The following CCDC15 variants were observed in gnomAD, a reference collection of about 807,000 sequenced individuals.
The protein encoded by CCDC15 is coiled-coil domain containing 15.
A neutral mutation model predicts 114.5 loss-of-function variants in CCDC15; 105 were observed. The ratio of observed to expected loss-of-function variants is 0.92; its 90% CI spans 0.78 to 1.08. The LOEUF (loss-of-function observed/expected upper bound fraction) is 1.08, where lower values mean the gene tolerates loss of function less well. CCDC15 is among the 50% of genes least tolerant of loss of function. The probability of loss-of-function intolerance (pLI) is 0.00; values close to 1 mark genes in which losing one functional copy is unlikely to be tolerated. For synonymous variants in CCDC15, 334 were observed against 377.8 expected (o/e 0.88, Z 1.34); for missense variants, 1,105 against 1,093.6 (o/e 1.01, Z -0.15).
rs770604444 is a variant in CCDC15 at position 125,038,907 on chromosome 11, C to T, written c.2586-14C>T. On this transcript the variant is annotated splice_polypyrimidine_tract_variant and intron_variant, in intron 14 of 15. Coordinates refer to ENST00000344762, the MANE Select transcript of CCDC15 (RefSeq NM_025004.3). ...TAATAGTTCACTTTGCCTGATTATA[C>T]TTTATTTGTACAGATATGTAGAAGC... 1.2e-6 allele frequency: 2 copies of T among 1,601,660 alleles called. No homozygotes were observed. The highest frequency in any genetic ancestry group is 4.5e-5 in the East Asian group (2 of 44,710).
intron 13 of CCDC15, among the ~76,000 whole-genome samples, chr11:125,015,391 T>C (rs571883178): frequency 1.3e-5 from 2 of 152,176 alleles, no homozygotes; most frequent in Admixed American, 6.5e-5. Flanking sequence ...ATATTAGGAA[T>C]GGAAAGGGAA....
At chr11:124,962,423 A>C (rs1337894749) in intron 4 of CCDC15, among the ~76,000 whole-genome samples, 1 of 152,200 alleles carries the variant, frequency 6.6e-6, no homozygotes, top group African/African-American at 2.4e-5. Flanking sequence ...TAAATAATAA[A>C]AGAATGAGGT....
rs941104828 is a variant in CCDC15, at chr11:124,988,001, A to T, written c.1775A>T (p.Tyr592Phe). 1 of 1,613,432 alleles carries T rather than the reference A, an allele frequency of 6.2e-7. No homozygotes were observed. Among genetic ancestry groups the T allele is most frequent in the South Asian group, 1.1e-5 (1 of 91,032 alleles). ...GATTTTCTACCCAGAGACCAAGGTTATCTTCCTAAAGACCAAAATATTCTA... is the reference window on the plus strand; with the variant it reads ...GATTTTCTACCCAGAGACCAAGGTTTTCTTCCTAAAGACCAAAATATTCTA... ...DQDFLPRDQGYLPKDQNILPI... is the reference protein window; with the variant it reads ...DQDFLPRDQGFLPKDQNILPI... Residue 592 changes from tyrosine (Y) to phenylalanine (F), a missense_variant, in exon 8 of 16, where the codon TAT (tyrosine) becomes TTT (phenylalanine). By Grantham distance (22) the Tyr-to-Phe change is conservative. Coordinates refer to ENST00000344762, the MANE Select transcript of CCDC15 (RefSeq NM_025004.3).
chr11:124,986,126 T>C (rs1024962164), intron 6 of CCDC15, among the ~76,000 whole-genome samples: 2 of 152,196 alleles, frequency 1.3e-5, no homozygotes, highest in African/African-American at 2.4e-5. Context: ...TCTTTCCTCA[T>C]TGAATTTTCT....
At chr11:124,986,926 G>T in intron 7 of CCDC15, 38 bp downstream of exon 7, 1 of 1,507,544 alleles carries the variant, frequency 6.6e-7, no homozygotes. Context: ...TTGTGATTTG[G>T]ACTAGGTATT....
intron 13 of CCDC15, among the ~76,000 whole-genome samples, chr11:125,034,054 T>C (rs534484613): frequency 6.6e-6 from 1 of 152,282 alleles, no homozygotes; most frequent in Non-Finnish European, 1.5e-5. Context: ...TGGGGATAGC[T>C]CCTGAGGAGA....
At chr11:125,022,549 C>G (rs1190495624) in intron 13 of CCDC15, among the ~76,000 whole-genome samples, 3 of 151,916 alleles carry the variant, frequency 2.0e-5, no homozygotes, top group Non-Finnish European at 4.4e-5. Context: ...CTTGGTTTCA[C>G]AAATACCATC....
At chr11:124,994,518 G>A (rs1487673595) in intron 11 of CCDC15, among the ~76,000 whole-genome samples, 1 of 152,112 alleles carries the variant, frequency 6.6e-6, no homozygotes, top group Non-Finnish European at 1.5e-5. Context: ...TTTATAAAAG[G>A]TATATTTCTG....
intron 11 of CCDC15, among the ~76,000 whole-genome samples, chr11:125,000,038 T>C (rs1431195080): frequency 4.0e-5 from 6 of 151,816 alleles, no homozygotes; most frequent in African/African-American, 4.8e-5. Flanking sequence ...ATTTTTTTTA[T>C]TTTTAGTGGA....
At chr11:124,986,691 T>TGTGTGGGTGTGTG in intron 6 of CCDC15, 51 bp from the exon 7 acceptor site, 1 of 1,221,884 alleles carries the variant, frequency 8.2e-7, no homozygotes, top group Non-Finnish European at 1.1e-6. Flanking sequence ...GTGTGTGTGT[T>TGTGTGGGTGTGTG]TGTGTGTGTG....
Position 124,987,447 on chromosome 11 carries a change from G to C in CCDC15, c.1221G>C (p.Leu407Phe), listed in dbSNP as rs1033648056. Residue 407 changes from leucine to phenylalanine, a missense_variant, in exon 8 of 16, where the codon TTG (leucine) becomes TTC (phenylalanine). Transcript: ENST00000344762. ...AGCTAGAAGAAGGGAGTATTGTGTT[G>C]AAAACCCAGGATTTTCTACCCACAA... is the stretch of plus-strand genomic sequence containing the variant. ...SIELEEGSIV[L>F]KTQDFLPTNQ... 3.1e-6 allele frequency: 5 copies of C among 1,613,902 alleles called. No homozygotes were observed. The Admixed American group carries it at 6.7e-5, about 22-fold the overall frequency.
intron 8 of CCDC15, among the ~76,000 whole-genome samples, chr11:124,988,440 G>A (rs565027315): frequency 2.0e-5 from 3 of 152,202 alleles, no homozygotes; most frequent in South Asian, 2.1e-4. Flanking sequence ...CTGAGTCTTC[G>A]GCAAGCCATA....
chr11:125,035,791 C>A (rs1486286400), intron 13 of CCDC15, among the ~76,000 whole-genome samples: 1 of 152,000 alleles, frequency 6.6e-6, no homozygotes, highest in Non-Finnish European at 1.5e-5. Context: ...TATCTTATAA[C>A]CTGTTGTTTT....
At chr11:125,036,519 G>T (rs887005302) in intron 13 of CCDC15, among the ~76,000 whole-genome samples, 2 of 151,756 alleles carry the variant, frequency 1.3e-5, no homozygotes, top group African/African-American at 2.4e-5. Flanking sequence ...CTCTAGGTTT[G>T]GGAAGTTTTC....
At chr11:124,998,586 G>C (rs1009128801) in intron 11 of CCDC15, among the ~76,000 whole-genome samples, 1 of 152,052 alleles carries the variant, frequency 6.6e-6, no homozygotes, top group Non-Finnish European at 1.5e-5. Context: ...TTAAGTAAAT[G>C]TAGAAGCTTT....
Position 124,987,154 on chromosome 11 carries a change from G to T in CCDC15, c.928G>T (p.Val310Phe). 7 of 1,515,096 alleles carry T rather than the reference G, an allele frequency of 4.6e-6. No homozygotes were observed. Among genetic ancestry groups the T allele is most frequent in the Non-Finnish European group, 6.2e-6 (7 of 1,135,298 alleles). 93.9% of individuals were successfully genotyped at this position (1,515,096 alleles called of 1,614,324 possible). A position where few individuals can be genotyped will look rare whatever the true frequency, so the allele number is the denominator to read the frequency against. The change falls in exon 8 of 16, where the codon GTT (valine) becomes TTT (phenylalanine). Residue 310 changes from valine (V) to phenylalanine (F), a missense_variant. By Grantham distance (50) the Val-to-Phe change is conservative (BLOSUM62 -1). Coordinates refer to ENST00000344762, the MANE Select transcript of CCDC15 (RefSeq NM_025004.3). ...QKVKFKNPLF[V>F]LMEEEEQKQL... ...AGTAAAATTCAAAAATCCATTATTT[G>T]TTCTGATGGAAGAGGAAGAACAAAA...
intron 4 of CCDC15, among the ~76,000 whole-genome samples, chr11:124,966,236 T>G (rs1466949082): frequency 1.3e-5 from 2 of 152,206 alleles, no homozygotes; most frequent in Non-Finnish European, 2.9e-5. Flanking sequence ...ATATTGACAG[T>G]GGGGTGTTAA....
intron 13 of CCDC15, among the ~76,000 whole-genome samples, chr11:125,031,622 C>A (rs1948739713): frequency 6.6e-6 from 1 of 152,322 alleles, no homozygotes; most frequent in Admixed American, 6.5e-5. Context: ...TAGTTATCTG[C>A]AGAAGATGGC....
At chr11:125,028,174 A>G (rs1012407548) in intron 13 of CCDC15, among the ~76,000 whole-genome samples, 1 of 152,186 alleles carries the variant, frequency 6.6e-6, no homozygotes, top group Non-Finnish European at 1.5e-5. Context: ...TTTGTAGTAT[A>G]GTTTGAAGTT....
Sources: allele counts gnomAD v4.1 joint callset (sites outside exome capture counted in the v4.1 genomes callset), GRCh38; gene constraint gnomAD v4.1.1; transcripts MANE v1.5; gene names NCBI Gene and HGNC (gene_info 2026-07-23, HGNC 2026-07-21).